The following SYTL3 variants were observed in gnomAD, a reference collection of about 807,000 sequenced individuals.
SYTL3 encodes the protein synaptotagmin-like protein 3.
A neutral mutation model predicts 82.1 loss-of-function variants in SYTL3; 88 were observed. That is an observed-to-expected ratio of 1.07 (90% CI 0.90 to 1.28). The LOEUF (loss-of-function observed/expected upper bound fraction) is 1.28. Among genes scored for constraint, SYTL3 ranks in the 50% most tolerant of loss-of-function variants. The pLI, the probability that SYTL3 is intolerant of heterozygous loss-of-function variation, is 0.00. For missense variants in SYTL3, 831 were observed against 757.6 expected (o/e 1.10, Z -1.14); for synonymous variants, 311 against 289.4 (o/e 1.07, Z -0.76).
intron 5 of SYTL3, among the ~76,000 whole-genome samples, chr6:158,676,233 C>A (rs1778016881): frequency 6.6e-6 from 1 of 152,094 alleles, no homozygotes; most frequent in Admixed American, 6.6e-5. Flanking sequence ...CAGAACAGAG[C>A]CCTCAGAAAT....
chr6:158,675,363 T>C (rs1777908695), intron 5 of SYTL3, among the ~76,000 whole-genome samples: 1 of 152,222 alleles, frequency 6.6e-6, no homozygotes. Flanking sequence ...TTCTTTATCT[T>C]CATCTTGATT....
At chr6:158,748,000 C>G (rs540365747) in intron 12 of SYTL3, among the ~76,000 whole-genome samples, 62 of 150,806 alleles carry the variant, frequency 4.1e-4, no homozygotes, top group African/African-American at 1.4e-3. Flanking sequence ...TTTAAACTCT[C>G]TGCTTTTTGT....
chr6:158,744,283 G>GTT (rs369210789), intron 11 of SYTL3, among the ~76,000 whole-genome samples: 5 of 121,508 alleles, frequency 4.1e-5, no homozygotes, highest in East Asian at 5.2e-4. Context: ...CCCCAGGCTT[G>GTT]TTTTTTTTTT....
chr6:158,714,085 G>C (rs372650722), intron 9 of SYTL3, among the ~76,000 whole-genome samples: 4 of 152,188 alleles, frequency 2.6e-5, no homozygotes, highest in Non-Finnish European at 5.9e-5. Context: ...AGAAATGGTG[G>C]CTCAGACCTG....
At chr6:158,668,226 TTTTA>T (rs71030189) in intron 5 of SYTL3, among the ~76,000 whole-genome samples, 1 of 150,778 alleles carries the variant, frequency 6.6e-6, no homozygotes, top group Non-Finnish European at 1.5e-5. Context: ...GGGCAGAGTC[TTTTA>T]TTTATTTATT....
chr6:158,731,616 T>C (rs533185227), intron 11 of SYTL3, among the ~76,000 whole-genome samples: 2 of 152,302 alleles, frequency 1.3e-5, no homozygotes, highest in East Asian at 3.9e-4. Context: ...GTTGTTGAGA[T>C]GGTGTCTCGC....
At chr6:158,688,712 A>G (rs533963103) in intron 6 of SYTL3, among the ~76,000 whole-genome samples, 6 of 152,276 alleles carry the variant, frequency 3.9e-5, no homozygotes, top group Non-Finnish European at 8.8e-5. Context: ...ATTTTAGTAT[A>G]TATTATTTCT....
At chr6:158,725,773 C>A (rs548847876) in intron 11 of SYTL3, 136 bp downstream of exon 11, 1 of 1,164,826 alleles carries the variant, frequency 8.6e-7, no homozygotes, top group Non-Finnish European at 1.2e-6. Flanking sequence ...ATTTTATTAT[C>A]CATCCTTCCA....
intron 14 of SYTL3, among the ~76,000 whole-genome samples, chr6:158,760,181 CT>C (rs906487309): frequency 9.9e-5 from 15 of 152,144 alleles, no homozygotes; most frequent in Non-Finnish European, 1.5e-5. Context: ...GGGCCACCCC[CT>C]GTGGCTCTGG....
chr6:158,725,493 C>T lies in SYTL3; in HGVS notation c.721-10C>T. On this transcript the variant is annotated splice_polypyrimidine_tract_variant and intron_variant, in intron 10 of 17. Transcript: ENST00000611299. ...GACTATAATATTAATTTCTGTTTTT[C>T]CTTCTCCAGAAGGTCAGTGCACCAG... 6.2e-7 allele frequency: 1 copy of T among 1,611,740 alleles called. No homozygotes were observed. The highest frequency in any genetic ancestry group is 1.1e-5 in the South Asian group (1 of 90,850).
At chr6:158,748,611 A>G (rs866536345) in intron 12 of SYTL3, among the ~76,000 whole-genome samples, 1 of 152,176 alleles carries the variant, frequency 6.6e-6, no homozygotes, top group Middle Eastern at 3.2e-3. Context: ...CTGGGAGGCC[A>G]AGGCAGGTGA....
intron 12 of SYTL3, 72 bp downstream of exon 12, chr6:158,745,730 A>C: frequency 8.4e-7 from 1 of 1,187,628 alleles, no homozygotes. Flanking sequence ...TAAAAGTCTA[A>C]GAATAACCAA....
intron 11 of SYTL3, among the ~76,000 whole-genome samples, chr6:158,737,625 G>A (rs900233615): frequency 2.6e-5 from 4 of 152,194 alleles, no homozygotes; most frequent in South Asian, 2.1e-4. Context: ...TTTGGGTTGC[G>A]CTTCTGGGCC....
chr6:158,676,748 T>C (rs1468395847), intron 5 of SYTL3, among the ~76,000 whole-genome samples: 1 of 152,140 alleles, frequency 6.6e-6, no homozygotes, highest in Non-Finnish European at 1.5e-5. Flanking sequence ...GGGCGAAGGA[T>C]ATGAACAGAC....
At chr6:158,730,487 C>T (rs1016692328) in intron 11 of SYTL3, among the ~76,000 whole-genome samples, 3 of 152,216 alleles carry the variant, frequency 2.0e-5, no homozygotes, top group African/African-American at 7.2e-5. Flanking sequence ...AATGGTGGCC[C>T]GTACGGGGAT....
chr6:158,671,404 G>A (rs1021804683), intron 5 of SYTL3, among the ~76,000 whole-genome samples: 1 of 152,158 alleles, frequency 6.6e-6, no homozygotes, highest in Non-Finnish European at 1.5e-5. Context: ...AGCCCCAAGA[G>A]AGTTTTTCTG....
At chr6:158,725,314 G>GGT (rs1017522598) in intron 10 of SYTL3, among the ~76,000 whole-genome samples, 189 bp from the exon 11 acceptor site, 9 of 151,698 alleles carry the variant, frequency 5.9e-5, no homozygotes, top group African/African-American at 2.2e-4. Flanking sequence ...GCGCGTGTGT[G>GGT]GTGTGTGTGT....
chr6:158,756,810 G>A (rs1256196508), intron 13 of SYTL3, among the ~76,000 whole-genome samples: 1 of 137,248 alleles, frequency 7.3e-6, no homozygotes, highest in Non-Finnish European at 1.5e-5. Flanking sequence ...GTGTTTAGAT[G>A]CAAGTTCAAA....
chr6:158,763,020 A>G (rs1250689965), intron 16 of SYTL3, among the ~76,000 whole-genome samples: 2 of 152,204 alleles, frequency 1.3e-5, no homozygotes, highest in African/African-American at 2.4e-5. Flanking sequence ...TTAAAAGGAG[A>G]TAACGTGTAT....
Sources: gnomAD v4.1 joint callset for allele counts (sites outside exome capture counted in the v4.1 genomes callset) on GRCh38, gnomAD v4.1.1 for gene constraint, MANE v1.5 for transcripts, NCBI Gene and HGNC (gene_info 2026-07-23, HGNC 2026-07-21) for gene names.